The following SUPT3H variants were observed in gnomAD, a reference collection of about 807,000 sequenced individuals.
SUPT3H encodes transcription initiation protein SPT3 homolog.
Under a neutral mutation model 44.3 loss-of-function variants are expected in SUPT3H, and 44 were observed. That is an observed-to-expected ratio of 0.99 (90% CI 0.78 to 1.28). SUPT3H has a LOEUF of 1.28. SUPT3H is among the 50% of genes most tolerant of loss of function. SUPT3H has a pLI of 0.00. For missense variants in SUPT3H, 380 were observed against 387.1 expected (o/e 0.98, Z 0.15); for synonymous variants, 124 against 125.6 (o/e 0.99, Z 0.09).
intron 6 of SUPT3H, among the ~76,000 whole-genome samples, chr6:44,976,449 C>A (rs534440207): frequency 2.0e-5 from 3 of 151,944 alleles, no homozygotes; most frequent in Non-Finnish European, 4.4e-5. Context: ...GCAATCTCTG[C>A]CTCCAGGGCT....
chr6:44,862,839 C>T lies in SUPT3H; in HGVS notation c.913-32982G>A, dbSNP rs115993391. ...TCAATAAAGACGTATTGAAGGAGGA[C>T]ATTAAAAAATTTTAAAAACACCTTG... On this transcript the variant is annotated intron_variant, in intron 10 of 10. Coordinates refer to ENST00000371459, the MANE Select transcript of SUPT3H (RefSeq NM_003599.4). Among the ~76,000 whole-genome samples the T allele has an allele frequency of 7.0e-3, 1,059 of 152,058 alleles. 20 individuals are homozygous for T. The highest frequency in any genetic ancestry group is 0.024 in the African/African-American group (1,007 of 41,494).
At chr6:45,125,349 CATG>C (rs1401048275) in intron 2 of SUPT3H, among the ~76,000 whole-genome samples, 1 of 152,278 alleles carries the variant, frequency 6.6e-6, no homozygotes. Context: ...ACTTTCTATG[CATG>C]ATATGACTAC....
chr6:45,230,743 G>A (rs1767886116), intron 2 of SUPT3H, among the ~76,000 whole-genome samples: 1 of 145,426 alleles, frequency 6.9e-6, no homozygotes, highest in Non-Finnish European at 1.5e-5. Context: ...CACGATCTCG[G>A]CTCACTGCAA....
intron 6 of SUPT3H, among the ~76,000 whole-genome samples, chr6:44,965,622 A>C (rs1319141014): frequency 1.3e-5 from 2 of 151,896 alleles, no homozygotes; most frequent in Non-Finnish European, 2.9e-5. Flanking sequence ...ATTTTGGCCA[A>C]TGATGAAGAT....
At chr6:44,841,972 TG>T (rs946458824) in intron 10 of SUPT3H, among the ~76,000 whole-genome samples, 13 of 151,914 alleles carry the variant, frequency 8.6e-5, no homozygotes, top group African/African-American at 3.1e-4. Flanking sequence ...ACAATGACAG[TG>T]GTAAGTGCTA....
intron 3 of SUPT3H, among the ~76,000 whole-genome samples, chr6:45,050,725 T>C (rs955274573): frequency 6.6e-6 from 1 of 152,170 alleles, no homozygotes; most frequent in Non-Finnish European, 1.5e-5. Context: ...CAAAAGCTAC[T>C]TTCTCACATT....
chr6:44,893,708 A>T (rs1763677041), intron 10 of SUPT3H, among the ~76,000 whole-genome samples: 1 of 148,892 alleles, frequency 6.7e-6, no homozygotes, highest in Admixed American at 6.7e-5. Flanking sequence ...TTATAGCAGC[A>T]TGATTTATAG....
At chr6:45,299,970 C>T (rs995777093) in intron 2 of SUPT3H, among the ~76,000 whole-genome samples, 4 of 151,582 alleles carry the variant, frequency 2.6e-5, no homozygotes, top group Non-Finnish European at 4.4e-5. Context: ...TATGTGTGCA[C>T]ACACACACAC....
At chr6:45,188,620 TACA>T (rs1044575162) in intron 2 of SUPT3H, among the ~76,000 whole-genome samples, 3 of 152,220 alleles carry the variant, frequency 2.0e-5, no homozygotes, top group African/African-American at 7.2e-5. Flanking sequence ...GCAAGCCTGT[TACA>T]ACATTTGTAA....
At chr6:45,018,558 G>C (rs920351787) in intron 4 of SUPT3H, among the ~76,000 whole-genome samples, 34 of 152,202 alleles carry the variant, frequency 2.2e-4, no homozygotes, top group African/African-American at 5.5e-4. Context: ...TAGCATGAAG[G>C]GTTGTTGAAT....
intron 9 of SUPT3H, among the ~76,000 whole-genome samples, chr6:44,951,527 G>T (rs1774310624): frequency 6.6e-6 from 1 of 152,056 alleles, no homozygotes. Flanking sequence ...GTCACAGGAG[G>T]GGAGGGGTGT....
chr6:44,812,097 T>A (rs186887635), intron 11 of SUPT3H, among the ~76,000 whole-genome samples: 2 of 152,250 alleles, frequency 1.3e-5, no homozygotes, highest in African/African-American at 2.4e-5. Context: ...TAGTTTTCTA[T>A]GATGCCGTAA....
chr6:45,299,450 G>A lies in SUPT3H; in HGVS notation c.101+65751C>T, dbSNP rs76180352. Among the ~76,000 whole-genome samples, 120 of 151,938 alleles carry A rather than the reference G, an allele frequency of 7.9e-4. 1 individual carries two copies. The East Asian group carries it at 0.021, about 26-fold the overall frequency. ...TTTAACAAAAGAAATCTTAACTGAA[G>A]ATTGAAGATTAGAGATTTTAATTCA... On this transcript the variant is annotated intron_variant, in intron 2 of 10. Transcript: ENST00000371459.
At chr6:44,981,911 C>A (rs1230426376) in intron 6 of SUPT3H, among the ~76,000 whole-genome samples, 1 of 148,486 alleles carries the variant, frequency 6.7e-6, no homozygotes, top group African/African-American at 2.5e-5. Context: ...GACCATGGTG[C>A]GTGCCTGTAG....
chr6:45,349,665 GTT>G (rs1791624766), intron 2 of SUPT3H, among the ~76,000 whole-genome samples: 1 of 152,204 alleles, frequency 6.6e-6, no homozygotes, highest in Admixed American at 6.5e-5. Flanking sequence ...TGTTTCACTG[GTT>G]TTCATCAATT....
intron 2 of SUPT3H, among the ~76,000 whole-genome samples, chr6:45,187,876 T>G (rs1170913149): frequency 1.3e-5 from 2 of 152,206 alleles, no homozygotes; most frequent in East Asian, 3.8e-4. Flanking sequence ...CTCACCATAG[T>G]TTCACTTTCT....
intron 2 of SUPT3H, among the ~76,000 whole-genome samples, chr6:45,111,530 T>TC (rs1156242699): frequency 5.1e-4 from 25 of 49,042 alleles, no homozygotes; most frequent in East Asian, 1.5e-3. Flanking sequence ...CCCCCCTCCC[T>TC]CCCCCCCGCA....
intron 3 of SUPT3H, among the ~76,000 whole-genome samples, chr6:45,043,142 T>TACACACACACACACACAC (rs59321114): frequency 2.2e-4 from 32 of 146,752 alleles, no homozygotes; most frequent in East Asian, 4.1e-4. Flanking sequence ...CATACACACA[T>TACACACACACACACACAC]ACACACACAC....
At chr6:45,174,402 G>T (rs188862138) in intron 2 of SUPT3H, among the ~76,000 whole-genome samples, 20 of 152,120 alleles carry the variant, frequency 1.3e-4, no homozygotes, top group Admixed American at 8.5e-4. Flanking sequence ...ATGACACAAG[G>T]GTATTTAAGT....
Sources: allele counts gnomAD v4.1 joint callset (sites outside exome capture counted in the v4.1 genomes callset), GRCh38; gene constraint gnomAD v4.1.1; transcripts MANE v1.5; gene names NCBI Gene and HGNC (gene_info 2026-07-23, HGNC 2026-07-21).